GPRIN1: variants seen among roughly 807,000 people sequenced by gnomAD.
GPRIN1 encodes G protein regulated inducer of neurite outgrowth 1, also known as G protein-regulated inducer of neurite outgrowth 1.
A neutral mutation model predicts 2.8 loss-of-function variants in GPRIN1; 4 were observed. The observed-to-expected ratio is 1.45, with a 90% confidence interval of 0.71 to 3.32. GPRIN1 has a LOEUF of 3.32. Ranked by LOEUF, GPRIN1 falls within the 30% of genes most tolerant of loss-of-function variation. The pLI is 0.01. For synonymous variants in GPRIN1, 589 were observed against 589.9 expected, an observed-to-expected ratio of 1.00 and a Z score of 0.02; for missense variants, 1,322 against 1,343.4, an observed-to-expected ratio of 0.98 and a Z score of 0.25.
In GPRIN1 at chr5:176,599,897, G is replaced by A. The variant is rs1759122639; in HGVS notation, c.-43-20C>T. On this transcript the variant is annotated intron_variant, in intron 1 of 1. Coordinates refer to ENST00000303991, the MANE Select transcript of GPRIN1 (RefSeq NM_052899.3). ...CTGGTTCTGAAACAGAGAGAGAGCT[G>A]ACTCAGACTTCCCAAAGCTCAGTGG... 2 of 1,328,438 alleles carry A rather than the reference G, an allele frequency of 1.5e-6. No individual in the cohort carries two copies. The highest frequency in any genetic ancestry group is 1.9e-6 in the Non-Finnish European group (2 of 1,030,010). The allele number at this position is 1,328,438 out of a possible 1,614,324, so 82.3% of individuals were successfully genotyped here. A position where few individuals can be genotyped will look rare whatever the true frequency, so the allele number is the denominator to read the frequency against.
chr5:176,597,325 C>A lies in GPRIN1; in HGVS notation c.2510G>T (p.Gly837Val). 1 of 1,234,354 alleles carries A rather than the reference C, an allele frequency of 8.1e-7. No homozygotes were observed. The highest frequency in any genetic ancestry group is 1.0e-6 in the Non-Finnish European group (1 of 990,140). The allele number at this position is 1,234,354 out of a possible 1,614,324, so 76.5% of individuals were successfully genotyped here. A position where few individuals can be genotyped will look rare whatever the true frequency, so the allele number is the denominator to read the frequency against. Reference protein sequence around the residue: ...SPMSPQDGAGGSAFSFQAAPR... With the variant: ...SPMSPQDGAGVSAFSFQAAPR... ...CGCCGCCTGGAAGCTGAAGGCCGAG[C>A]CCCCAGCGCCGTCCTGCGGAGACAT... is the stretch of plus-strand genomic sequence containing the variant. The change falls in exon 2 of 2, where the codon GGC becomes GTC. Residue 837 changes from glycine to valine, a missense_variant. Gly to Val is a moderately radical substitution (Grantham distance 109). Around this residue, in one of 3 missense-constraint regions of GPRIN1, gnomAD observed 1,117 missense variants for 1,128.6 expected, o/e 0.99. Coordinates refer to ENST00000303991, the MANE Select transcript of GPRIN1 (RefSeq NM_052899.3). This position sits in a 1 kb window ranked among gnomAD's most constrained non-coding sequence, Gnocchi z 6.1.
At position 176,595,879 on chromosome 5, in the gene GPRIN1, A is replaced by C. The variant is rs1004989497; in HGVS notation, c.*929T>G. 4 of 468,276 alleles carry C rather than the reference A, an allele frequency of 8.5e-6. No individual in the cohort carries two copies. The highest frequency in any genetic ancestry group is 2.0e-5 in the African/African-American group (1 of 49,836). 29.0% of individuals were successfully genotyped at this position (468,276 alleles called of 1,614,324 possible). The stretch of plus-strand genomic sequence containing the variant: ...CTGCGGCTGGAGGGGTGGGGACGGG[A>C]CACTGAGTGGTCACAAGGGACTTGG... On this transcript the variant is annotated 3_prime_UTR_variant, in exon 2 of 2. Transcript: ENST00000303991.
rs3797464 is a variant in GPRIN1 at position 176,599,121 on chromosome 5, C to G, written c.714G>C (p.Leu238Phe). The G allele has an allele frequency of 1.2e-6, 1 of 859,888 alleles. No individual in the cohort carries two copies. Among genetic ancestry groups the G allele is most frequent in the Non-Finnish European group, 1.6e-6 (1 of 626,866 alleles). 53.3% of individuals were successfully genotyped at this position (859,888 alleles called of 1,614,324 possible). ...CTGAGGACACAGGATCCACCTTTCT[C>G]AAAGACCCAGGATCCTCCTTCCTCG... ...VSPRKEDPGS[L>F]RKVDPVSSDK... Residue 238 changes from leucine (L) to phenylalanine (F), a missense_variant, in exon 2 of 2, where the codon TTG (leucine) becomes TTC (phenylalanine). By Grantham distance (22) the Leu-to-Phe change is conservative (BLOSUM62 0). This residue lies in a region of GPRIN1 where 1,117 missense variants were observed against 1,128.6 expected (regional missense o/e 0.99). Transcript: ENST00000303991.
Position 176,596,782 on chromosome 5 carries a change from A to G in GPRIN1, c.*26T>C. 7.1e-7 allele frequency: 1 copy of G among 1,407,398 alleles called. No homozygotes were observed. The highest frequency in any genetic ancestry group is 1.6e-5 in the South Asian group (1 of 62,424). The allele number at this position is 1,407,398 out of a possible 1,614,324, so 87.2% of individuals were successfully genotyped here. ...AGAAGGGAGCCTGAGAAGGTCGGAA[A>G]CTCGGGCGTACAAAATGGGGGCAGA... is the stretch of plus-strand genomic sequence containing the variant. On this transcript the variant is annotated 3_prime_UTR_variant, in exon 2 of 2. Coordinates refer to ENST00000303991, the MANE Select transcript of GPRIN1 (RefSeq NM_052899.3). The surrounding 1 kb of genome is among the most constrained non-coding windows in gnomAD (Gnocchi z 5.2).
chr5:176,605,407 G>A (rs2113353606), intron 1 of GPRIN1, among the ~76,000 whole-genome samples: 1 of 152,250 alleles, frequency 6.6e-6, no homozygotes, highest in East Asian at 1.9e-4. Flanking sequence ...ACACTTTCAT[G>A]AGCCAACTTT....
Position 176,599,744 on chromosome 5 carries a change from G to C in GPRIN1, c.91C>G (p.Gln31Glu). The C allele has an allele frequency of 6.5e-7, 1 of 1,540,658 alleles. No homozygotes were observed. Among genetic ancestry groups the C allele is most frequent in the Non-Finnish European group, 8.7e-7 (1 of 1,143,886 alleles). Residue 31 changes from glutamine (Q) to glutamate (E), a missense_variant, in exon 2 of 2, where the codon CAG becomes GAG. Transcript: ENST00000303991. ...CTGCCAGCCCCCAGGCTCCCATCCT[G>C]TGGGCAGAAGAAGGCTGTGGGTCGG... ...GPRPTAFFCP[Q>E]DGSLGAGSSA... is the part of the protein sequence containing the mutation.
At position 176,599,146 on chromosome 5, in the gene GPRIN1, G is replaced by A. The variant is rs754901777; in HGVS notation, c.689C>T (p.Pro230Leu). Residue 230 changes from proline to leucine, a missense_variant, in exon 2 of 2, where the codon CCG (proline) becomes CTG (leucine). Pro to Leu is a moderately conservative substitution (Grantham distance 98). Transcript: ENST00000303991. ...LCSSKTYTVS[P>L]RKEDPGSLRK... ...CAAAGACCCAGGATCCTCCTTCCTC[G>A]GTGACACTGTATACGTCTTGCTGGA... The A allele has an allele frequency of 4.3e-5, 70 of 1,612,232 alleles. 3 individuals carry two copies. Among genetic ancestry groups the A allele is most frequent in the South Asian group, 3.7e-4 (34 of 90,946 alleles).
Position 176,597,138 on chromosome 5 carries a change from G to A in GPRIN1, c.2697C>T (p.Ala899=), listed in dbSNP as rs1759051955. ...VRVRPGSALA[A]AVAPPEPAEP... Reference sequence around the variant, plus strand: ...CAGCCGGCTCCGGGGGCGCTACAGCGGCCGCCAGCGCTGAGCCGGGCCGCA... The same window carrying A: ...CAGCCGGCTCCGGGGGCGCTACAGCAGCCGCCAGCGCTGAGCCGGGCCGCA... Residue 899 remains alanine (A), a synonymous_variant, in exon 2 of 2, where the codon GCC becomes GCT. Coordinates refer to ENST00000303991, the MANE Select transcript of GPRIN1 (RefSeq NM_052899.3). This position sits in a 1 kb window ranked among gnomAD's most constrained non-coding sequence, Gnocchi z 6.1. The A allele has an allele frequency of 2.1e-6, 3 of 1,457,796 alleles. No homozygotes were observed. Among genetic ancestry groups the A allele is most frequent in the African/African-American group, 1.5e-5 (1 of 68,870 alleles). The allele number at this position is 1,457,796 out of a possible 1,614,324, so 90.3% of individuals were successfully genotyped here.
rs1239071152 is a variant in GPRIN1, at chr5:176,597,550, C to T, written c.2285G>A (p.Ser762Asn). ...GGCTTCCAGGTCTTTCTGGCCGAGA[C>T]TGGAGGCCTCGGTGCTGGACACGGG... ...AEPVSSTEAS[S>N]LGQKDLEAAG... Residue 762 changes from serine (S) to asparagine (N), a missense_variant, in exon 2 of 2, where the codon AGT becomes AAT. This residue lies in a region of GPRIN1 where 1,117 missense variants were observed against 1,128.6 expected (regional missense o/e 0.99). Transcript: ENST00000303991. This position sits in a 1 kb window ranked among gnomAD's most constrained non-coding sequence, Gnocchi z 6.1. The T allele has an allele frequency of 6.4e-7, 1 of 1,557,970 alleles. No homozygotes were observed. Among genetic ancestry groups the T allele is most frequent in the East Asian group, 2.4e-5 (1 of 42,478 alleles).
In GPRIN1 at chr5:176,599,592, G is replaced by A. The variant is rs1006567497; in HGVS notation, c.243C>T (p.Ala81=). The A allele has an allele frequency of 2.6e-6, 4 of 1,548,184 alleles. No individual in the cohort carries two copies. In the South Asian group the frequency reaches 5.0e-5, roughly 19 times the overall value. ...HRSPSGAGEG[A]SCSDGPRGSL... Reference sequence around the variant, plus strand: ...TCCCTCTGGGGCCGTCAGAGCAGGAGGCCCCTTCCCCAGCCCCACTGGGGC... The same window carrying A: ...TCCCTCTGGGGCCGTCAGAGCAGGAAGCCCCTTCCCCAGCCCCACTGGGGC... Residue 81 remains alanine (A), a synonymous_variant, in exon 2 of 2, where the codon GCC becomes GCT. Transcript: ENST00000303991.
At position 176,597,213 on chromosome 5, in the gene GPRIN1, C is replaced by G; in HGVS notation, c.2622G>C (p.Gly874=). 7.8e-7 allele frequency: 1 copy of G among 1,284,346 alleles called. No individual in the cohort carries two copies. Among genetic ancestry groups the G allele is most frequent in the African/African-American group, 1.5e-5 (1 of 65,140 alleles). The allele number at this position is 1,284,346 out of a possible 1,614,324, so 79.6% of individuals were successfully genotyped here. A position where few individuals can be genotyped will look rare whatever the true frequency, so the allele number is the denominator to read the frequency against. Residue 874 remains glycine, a synonymous_variant, in exon 2 of 2, where the codon GGG becomes GGC. Transcript: ENST00000303991. This position sits in a 1 kb window ranked among gnomAD's most constrained non-coding sequence, Gnocchi z 6.1. ...GCGCGGCGGCTTGAGGTGTCATGGG[C>G]CCAGTGGCCACGGAGCGCGTCTCGG... ...GAAETRSVAT[G]PMTPQAAAPP...
intron 1 of GPRIN1, among the ~76,000 whole-genome samples, chr5:176,608,250 G>T (rs1426192811): frequency 1.3e-5 from 2 of 152,096 alleles, no homozygotes; most frequent in Non-Finnish European, 2.9e-5. Context: ...CCCCTTTCTG[G>T]TTTTTGAGGT....
chr5:176,599,186 C>A lies in GPRIN1; in HGVS notation c.649G>T (p.Val217Leu), dbSNP rs1002800928. ...GTCTTGCTGGAGCACAAAGGATCTA[C>A]TTTTCCCAGGGATCCAAGATCTTCC... The part of the protein sequence containing the change: ...RKEDLGSLGK[V>L]DPLCSSKTYT... Residue 217 changes from valine to leucine, a missense_variant, in exon 2 of 2, where the codon GTA becomes TTA. This residue lies in a region of GPRIN1 where 1,117 missense variants were observed against 1,128.6 expected (regional missense o/e 0.99). Transcript: ENST00000303991. 1 of 1,613,784 alleles carries A rather than the reference C, an allele frequency of 6.2e-7. No homozygotes were observed. The highest frequency in any genetic ancestry group is 2.2e-5 in the East Asian group (1 of 44,862).
chr5:176,598,388 A>G lies in GPRIN1; in HGVS notation c.1447T>C (p.Ser483Pro), dbSNP rs1440720762. 7 of 1,613,710 alleles carry G rather than the reference A, an allele frequency of 4.3e-6. No homozygotes were observed. Among genetic ancestry groups the G allele is most frequent in the Admixed American group, 1.7e-5 (1 of 59,956 alleles). ...KTSSEKVNPE[S>P]SGKTNPVSSG... ...GACACAGGGTTTGTCTTTCCTGAAG[A>G]CTCAGGATTCACTTTTTCAGATGAT... Residue 483 changes from serine (S) to proline (P), a missense_variant, in exon 2 of 2, where the codon TCT becomes CCT. By Grantham distance (74) the Ser-to-Pro change is moderately conservative (BLOSUM62 -1). Coordinates refer to ENST00000303991, the MANE Select transcript of GPRIN1 (RefSeq NM_052899.3).
chr5:176,598,309 A>ACTG lies in GPRIN1; in HGVS notation c.1523_1525dup (p.Ala508dup). 1.2e-6 allele frequency: 2 copies of ACTG among 1,613,548 alleles called. No homozygotes were observed. Among genetic ancestry groups the ACTG allele is most frequent in the Non-Finnish European group, 1.7e-6 (2 of 1,179,768 alleles). On this transcript the variant is annotated inframe_insertion, in exon 2 of 2. Transcript: ENST00000303991. ...TCCCCCCGTCGCTGGCTCAGCCTTT[A>ACTG]CTGCAGATGGGGGACCTGCTGTCCC...
intron 1 of GPRIN1, among the ~76,000 whole-genome samples, chr5:176,608,223 C>A (rs543793372): frequency 6.6e-6 from 1 of 152,122 alleles, no homozygotes; most frequent in Non-Finnish European, 1.5e-5. Flanking sequence ...CCTGGCCTGA[C>A]ACTTGGTTCT....
At chr5:176,600,870 C>T (rs1055543057) in intron 1 of GPRIN1, among the ~76,000 whole-genome samples, 2 of 152,098 alleles carry the variant, frequency 1.3e-5, no homozygotes, top group African/African-American at 4.8e-5. Flanking sequence ...GAGCCAAGAT[C>T]GTGCCACTGC....
Position 176,597,608 on chromosome 5 carries a change from C to T in GPRIN1, c.2227G>A (p.Gly743Ser), listed in dbSNP as rs1356263689. The T allele has an allele frequency of 1.9e-6, 3 of 1,599,870 alleles. No individual in the cohort carries two copies. Among genetic ancestry groups the T allele is most frequent in the South Asian group, 1.1e-5 (1 of 90,916 alleles). ...TTCGGCTCCACGCGGCCTTCACTGC[C>T]CCTGGCACCCTCGGGAGACCGGGCT... ...GSARSPEGARGSEGRVEPKAE... is the reference protein window; with the variant it reads ...GSARSPEGARSSEGRVEPKAE... The change falls in exon 2 of 2, where the codon GGC becomes AGC. Residue 743 changes from glycine to serine, a missense_variant. This residue lies in a region of GPRIN1 where 1,117 missense variants were observed against 1,128.6 expected (regional missense o/e 0.99). Coordinates refer to ENST00000303991, the MANE Select transcript of GPRIN1 (RefSeq NM_052899.3). This position sits in a 1 kb window ranked among gnomAD's most constrained non-coding sequence, Gnocchi z 6.1.
Position 176,598,483 on chromosome 5 carries a change from A to C in GPRIN1, c.1352T>G (p.Val451Gly). ...CACCGGGTCCTCTTTTCCTGGGGAT[A>C]CAGTTCCTGCCTTTCCCACAGACAC... Reference protein sequence around the residue: ...ERVSVGKAGTVSPGKEDPVSS... With the variant: ...ERVSVGKAGTGSPGKEDPVSS... The change falls in exon 2 of 2, where the codon GTA becomes GGA. Residue 451 changes from valine to glycine, a missense_variant. This residue lies in a region of GPRIN1 where 1,117 missense variants were observed against 1,128.6 expected (regional missense o/e 0.99). Coordinates refer to ENST00000303991, the MANE Select transcript of GPRIN1 (RefSeq NM_052899.3). The C allele has an allele frequency of 6.2e-7, 1 of 1,614,104 alleles. No homozygotes were observed. The highest frequency in any genetic ancestry group is 8.5e-7 in the Non-Finnish European group (1 of 1,180,024).
Sources: allele counts gnomAD v4.1 joint callset (sites outside exome capture counted in the v4.1 genomes callset), GRCh38; gene constraint gnomAD v4.1.1; regional missense constraint gnomAD v4.1.1; non-coding constraint Gnocchi (gnomAD v3.1); transcripts MANE v1.5; gene names NCBI Gene and HGNC (gene_info 2026-07-23, HGNC 2026-07-21).